The following F5 variants were observed in gnomAD, a reference collection of about 807,000 sequenced individuals.
F5 encodes activated protein c cofactor.
Under a neutral mutation model 216.4 loss-of-function variants are expected in F5, and 138 were observed. The observed-to-expected ratio is 0.64, with a 90% CI of 0.56 to 0.73. The LOEUF is 0.73. Ranked by LOEUF, F5 falls within the 30% of genes least tolerant of loss-of-function variation. The pLI is 0.00. For synonymous variants in F5, 916 were observed against 930.7 expected, an observed-to-expected ratio of 0.98 and a Z score of 0.29; for missense variants, 2,403 against 2,674.0, an observed-to-expected ratio of 0.90 and a Z score of 2.24.
intron 22 of F5, among the ~76,000 whole-genome samples, chr1:169,519,041 T>C (rs542639337): frequency 2.0e-5 from 3 of 152,316 alleles, no homozygotes; most frequent in Non-Finnish European, 4.4e-5. Context: ...GTTTCAACCC[T>C]TAGAGGGTAA....
chr1:169,519,057 G>C (rs1659225892), intron 22 of F5, among the ~76,000 whole-genome samples: 1 of 152,272 alleles, frequency 6.6e-6, no homozygotes, highest in East Asian at 1.9e-4. Flanking sequence ...GGTAATTCGA[G>C]TTATGTACCC....
intron 2 of F5, among the ~76,000 whole-genome samples, chr1:169,579,789 G>A (rs956947004): frequency 6.6e-6 from 1 of 152,194 alleles, no homozygotes; most frequent in Non-Finnish European, 1.5e-5. Context: ...TGATACAACA[G>A]TCCCATGACT....
intron 24 of F5, among the ~76,000 whole-genome samples, chr1:169,515,040 C>T (rs1323825864): frequency 6.6e-6 from 1 of 152,102 alleles, no homozygotes; most frequent in African/African-American, 2.4e-5. Flanking sequence ...AAGTGGCCAC[C>T]AATAAATGTT....
rs1659871666 is a variant in F5 at position 169,542,146 on chromosome 1, A to C, written c.2944T>G (p.Trp982Gly). The C allele has an allele frequency of 6.2e-7, 1 of 1,613,912 alleles. No homozygotes were observed. The highest frequency in any genetic ancestry group is 1.7e-5 in the Admixed American group (1 of 59,980). The change falls in exon 13 of 25, where the codon TGG (tryptophan) becomes GGG (glycine). Residue 982 changes from tryptophan (W) to glycine (G), a missense_variant. Physicochemically the swap from Trp to Gly is radical, Grantham distance 184. Coordinates refer to ENST00000367797, the MANE Select transcript of F5 (RefSeq NM_000130.5). ...TTGGCAAGAGGGGTGCTTTCTCCCC[A>C]AGCACGTGAGGCATTCTGGGGGCTG... is the stretch of plus-strand genomic sequence containing the variant. ...LISPQNASRA[W>G]GESTPLANKP... is the part of the protein sequence containing the mutation.
chr1:169,537,423 T>G (rs1659730657), intron 13 of F5, among the ~76,000 whole-genome samples: 1 of 152,194 alleles, frequency 6.6e-6, no homozygotes, highest in Non-Finnish European at 1.5e-5. Context: ...TTGACATTGG[T>G]GTGGACAAAG....
chr1:169,541,534 T>G lies in F5; in HGVS notation c.3556A>C (p.Ile1186Leu), dbSNP rs762284362. Residue 1186 changes from isoleucine (I) to leucine (L), a missense_variant, in exon 13 of 25, where the codon ATC becomes CTC. Ile to Leu is a conservative substitution (Grantham distance 5). Transcript: ENST00000367797. The stretch of plus-strand genomic sequence containing the variant: ...GTCACCTGGCTGAGGTCTGGAGAGA[T>G]GACTGTCTGCCAGACTTCATGTTCT... ...SSEHEVWQTV[I>L]SPDLSQVTLS... is the part of the protein sequence containing the mutation. The G allele has an allele frequency of 1.2e-6, 2 of 1,614,014 alleles. No homozygotes were observed. Among genetic ancestry groups the G allele is most frequent in the Non-Finnish European group, 1.7e-6 (2 of 1,179,984 alleles).
intron 1 of F5, among the ~76,000 whole-genome samples, chr1:169,585,514 A>T (rs1389576339): frequency 1.3e-5 from 2 of 152,214 alleles, no homozygotes; most frequent in Non-Finnish European, 2.9e-5. Context: ...TAGAAAAAAT[A>T]GTTTGCAACT....
At chr1:169,561,943 A>C (rs1407496835) in intron 3 of F5, among the ~76,000 whole-genome samples, 1 of 149,226 alleles carries the variant, frequency 6.7e-6, no homozygotes, top group Admixed American at 6.7e-5. Context: ...TTCCTTTCCT[A>C]GTTTCTTTTC....
At chr1:169,562,655 T>C (rs1350586041) in intron 3 of F5, among the ~76,000 whole-genome samples, 1 of 152,020 alleles carries the variant, frequency 6.6e-6, no homozygotes, top group Non-Finnish European at 1.5e-5. Context: ...CCGTTTACAA[T>C]ATATAGTACA....
intron 3 of F5, among the ~76,000 whole-genome samples, chr1:169,566,816 T>C (rs1361643264): frequency 1.3e-5 from 2 of 152,184 alleles, no homozygotes; most frequent in East Asian, 3.9e-4. Context: ...TGATAGCCTG[T>C]GGGAATACAT....
intron 13 of F5, among the ~76,000 whole-genome samples, chr1:169,537,420 T>G (rs902286014): frequency 6.6e-6 from 1 of 152,196 alleles, no homozygotes; most frequent in East Asian, 1.9e-4. Context: ...TTCTTGACAT[T>G]GGTGTGGACA....
Position 169,514,128 on chromosome 1 carries a change from T to C in F5, c.*185A>G. ...ATTAATGCAGAAGTAATAGCCATTATCTTACTTACTGGTAGCAAGGAGTTA... is the reference window on the plus strand; with the variant it reads ...ATTAATGCAGAAGTAATAGCCATTACCTTACTTACTGGTAGCAAGGAGTTA... On this transcript the variant is annotated 3_prime_UTR_variant, in exon 25 of 25. Coordinates refer to ENST00000367797, the MANE Select transcript of F5 (RefSeq NM_000130.5). 1 of 606,954 alleles carries C rather than the reference T, an allele frequency of 1.6e-6. No individual in the cohort carries two copies. Among genetic ancestry groups the C allele is most frequent in the South Asian group, 2.1e-5 (1 of 48,354 alleles). The allele number at this position is 606,954 out of a possible 1,614,324, so 37.6% of individuals were successfully genotyped here. A position where few individuals can be genotyped will look rare whatever the true frequency, so the allele number is the denominator to read the frequency against.
intron 2 of F5, among the ~76,000 whole-genome samples, chr1:169,572,666 A>T (rs2101840214): frequency 6.6e-6 from 1 of 152,326 alleles, no homozygotes; most frequent in African/African-American, 2.4e-5. Context: ...CTTAAGAAAG[A>T]TGTTCATTTC....
At chr1:169,519,795 C>T (rs951496817) in intron 22 of F5, among the ~76,000 whole-genome samples, 2 of 152,184 alleles carry the variant, frequency 1.3e-5, no homozygotes, top group African/African-American at 4.8e-5. Flanking sequence ...TTGCTTCATT[C>T]TTTTACCTCA....
At chr1:169,546,966 TAA>T (rs11363133) in intron 10 of F5, among the ~76,000 whole-genome samples, 8,720 of 129,808 alleles carry the variant, frequency 0.067, 387 homozygotes, top group Admixed American at 0.12. Flanking sequence ...CCGTCTCTAC[TAA>T]AAAAAAAAAA....
At chr1:169,518,950 A>C (rs1423215887) in intron 22 of F5, among the ~76,000 whole-genome samples, 1 of 152,212 alleles carries the variant, frequency 6.6e-6, no homozygotes, top group Non-Finnish European at 1.5e-5. Flanking sequence ...TAAATTATCT[A>C]TATATAAAAA....
At chr1:169,531,645 G>T (rs1659598098) in intron 14 of F5, among the ~76,000 whole-genome samples, 2 of 152,000 alleles carry the variant, frequency 1.3e-5, no homozygotes, top group African/African-American at 4.8e-5. Flanking sequence ...GGTGGAACTG[G>T]GCTGTGAAAT....
At chr1:169,557,032 A>T (rs1161232133) in intron 5 of F5, among the ~76,000 whole-genome samples, 165 bp from the exon 6 acceptor site, 1 of 152,180 alleles carries the variant, frequency 6.6e-6, no homozygotes, top group South Asian at 2.1e-4. Flanking sequence ...GCAAAAGCAG[A>T]CATCTGAGTG....
intron 10 of F5, among the ~76,000 whole-genome samples, chr1:169,547,152 C>T (rs140984709): frequency 0.065 from 9,812 of 152,000 alleles, 454 homozygotes; most frequent in Admixed American, 0.11. Flanking sequence ...GGCAACAGAA[C>T]GAGACTCCAT....
Sources: gnomAD v4.1 joint callset for allele counts (sites outside exome capture counted in the v4.1 genomes callset) on GRCh38, gnomAD v4.1.1 for gene constraint, MANE v1.5 for transcripts, NCBI Gene and HGNC (gene_info 2026-07-23, HGNC 2026-07-21) for gene names.